CA10: variants seen among roughly 807,000 people sequenced by gnomAD.
The protein encoded by CA10 is carbonic anhydrase 10 (inactive), also known as carbonic anhydrase-related protein 10.
A neutral mutation model predicts 44.2 loss-of-function variants in CA10; 14 were observed. The observed-to-expected ratio is 0.32, with a 90% confidence interval of 0.21 to 0.50. The LOEUF (loss-of-function observed/expected upper bound fraction) is 0.50. CA10 is among the 20% of genes least tolerant of loss of function. CA10 has a pLI of 0.99. For missense variants in CA10, 350 were observed against 409.7 expected, an observed-to-expected ratio of 0.85 and a Z score of 1.26; for synonymous variants, 159 against 141.6, an observed-to-expected ratio of 1.12 and a Z score of -0.87.
At chr17:51,775,576 T>A (rs1215585645) in intron 3 of CA10, among the ~76,000 whole-genome samples, 1 of 152,178 alleles carries the variant, frequency 6.6e-6, no homozygotes, top group Non-Finnish European at 1.5e-5. Context: ...ATCTACTATG[T>A]GTCAGGGCCC....
chr17:52,006,102 G>A (rs1189180543), intron 2 of CA10, among the ~76,000 whole-genome samples: 2 of 151,698 alleles, frequency 1.3e-5, no homozygotes, highest in South Asian at 2.1e-4. Context: ...CTATAAAATC[G>A]CTGATGAACA....
intron 3 of CA10, among the ~76,000 whole-genome samples, chr17:51,852,940 A>G (rs1978859018): frequency 6.6e-6 from 1 of 152,178 alleles, no homozygotes; most frequent in African/African-American, 2.4e-5. Context: ...CTTAAGAGAA[A>G]AATGGCTTTA....
chr17:52,152,445 C>T (rs1989723010), intron 1 of CA10, among the ~76,000 whole-genome samples: 1 of 152,018 alleles, frequency 6.6e-6, no homozygotes, highest in Non-Finnish European at 1.5e-5. Context: ...GTTTCTATTC[C>T]TCCTTTTTGA....
chr17:51,817,203 G>C (rs1567849188), intron 3 of CA10, among the ~76,000 whole-genome samples: 1 of 152,168 alleles, frequency 6.6e-6, no homozygotes. Flanking sequence ...ATCAAGTGGG[G>C]CTGCTTTTTC....
At chr17:52,064,323 A>C (rs952597863) in intron 2 of CA10, among the ~76,000 whole-genome samples, 2 of 152,322 alleles carry the variant, frequency 1.3e-5, no homozygotes, top group South Asian at 2.1e-4. Flanking sequence ...TTCTGACCCA[A>C]GGAAACTGTG....
At chr17:51,978,566 C>T (rs1219534901) in intron 2 of CA10, among the ~76,000 whole-genome samples, 1 of 151,724 alleles carries the variant, frequency 6.6e-6, no homozygotes, top group Admixed American at 6.6e-5. Context: ...ACCAGGATAA[C>T]TAAAACTATA....
At chr17:52,098,143 T>G (rs1988451327) in intron 1 of CA10, among the ~76,000 whole-genome samples, 1 of 152,210 alleles carries the variant, frequency 6.6e-6, no homozygotes. Context: ...CTACTTTCAC[T>G]TGTGTCCTGG....
intron 5 of CA10, among the ~76,000 whole-genome samples, chr17:51,649,651 A>G (rs1489984849): frequency 3.9e-5 from 6 of 152,244 alleles, no homozygotes; most frequent in African/African-American, 1.4e-4. Flanking sequence ...AAATCTTTAC[A>G]TACACGGACA....
intron 4 of CA10, among the ~76,000 whole-genome samples, chr17:51,658,800 C>G (rs1913894762): frequency 6.6e-6 from 1 of 152,154 alleles, no homozygotes; most frequent in Non-Finnish European, 1.5e-5. Context: ...ACTGAGGAAG[C>G]CTTGCCTACC....
At chr17:51,729,434 G>A (rs1403459267) in intron 4 of CA10, among the ~76,000 whole-genome samples, 3 of 152,140 alleles carry the variant, frequency 2.0e-5, no homozygotes, top group South Asian at 2.1e-4. Context: ...GTATTGGCAC[G>A]TGGGTTAGAG....
At chr17:51,831,695 A>AGCGGCGGCGGCG (rs1567854577) in intron 3 of CA10, among the ~76,000 whole-genome samples, 2 of 80,806 alleles carry the variant, frequency 2.5e-5, no homozygotes, top group Admixed American at 1.2e-4. Context: ...CAGCAGCAGC[A>AGCGGCGGCGGCG]GCAGCAGCAG....
chr17:51,846,759 G>T (rs954036221), intron 3 of CA10, among the ~76,000 whole-genome samples: 1 of 152,164 alleles, frequency 6.6e-6, no homozygotes, highest in African/African-American at 2.4e-5. Flanking sequence ...TAATGCTGTC[G>T]CGCTTGCTCT....
At chr17:51,836,585 A>G (rs1908485447) in intron 3 of CA10, among the ~76,000 whole-genome samples, 2 of 152,158 alleles carry the variant, frequency 1.3e-5, no homozygotes, top group African/African-American at 2.4e-5. Context: ...ACCCTTCCCC[A>G]CCAGGTAGTA....
chr17:51,754,664 C>G (rs1244022512), intron 3 of CA10, among the ~76,000 whole-genome samples: 2 of 151,486 alleles, frequency 1.3e-5, no homozygotes, highest in Non-Finnish European at 2.9e-5. Context: ...GGGCAATCTG[C>G]TTTACTCAAA....
intron 1 of CA10, among the ~76,000 whole-genome samples, chr17:52,128,896 C>T (rs575870394): frequency 1.3e-5 from 2 of 152,270 alleles, no homozygotes; most frequent in South Asian, 4.1e-4. Flanking sequence ...AATCACCTTC[C>T]AATTCATGCT....
rs754344655 is a variant in CA10, at chr17:51,802,565, GAAAA to G, written c.280-54751_280-54748del. 2.1e-3 allele frequency among the ~76,000 whole-genome samples: 187 copies of G among 90,620 alleles called. 2 individuals are homozygous for G. Among genetic ancestry groups the G allele is most frequent in the African/African-American group, 4.0e-3 (91 of 22,780 alleles). 59.5% of individuals were successfully genotyped at this position (90,620 alleles called of 152,430 possible). A position where few individuals can be genotyped will look rare whatever the true frequency, so the allele number is the denominator to read the frequency against. On this transcript the variant is annotated intron_variant, in intron 3 of 8. Coordinates refer to ENST00000451037, the MANE Select transcript of CA10 (RefSeq NM_020178.5). The stretch of plus-strand genomic sequence containing the variant: ...CTTGGATCATTTGTGCCTGATGTCT[GAAAA>G]AAAAAAAAAAAAAAAAAAACAACCA...
intron 3 of CA10, among the ~76,000 whole-genome samples, chr17:51,907,890 C>T (rs1981626970): frequency 2.0e-5 from 3 of 152,132 alleles, no homozygotes; most frequent in Admixed American, 2.0e-4. Context: ...GAGGATGTTT[C>T]CTGGGGAACC....
intron 3 of CA10, among the ~76,000 whole-genome samples, chr17:51,863,941 C>T (rs1159497421): frequency 1.3e-5 from 2 of 152,222 alleles, no homozygotes; most frequent in Non-Finnish European, 2.9e-5. Flanking sequence ...CACTGATTGA[C>T]TGAATCATTG....
intron 1 of CA10, among the ~76,000 whole-genome samples, chr17:52,091,716 T>G (rs548410173): frequency 6.6e-6 from 1 of 152,244 alleles, no homozygotes; most frequent in East Asian, 1.9e-4. Flanking sequence ...TACAAGACAA[T>G]GAACATTGCT....
Sources: allele counts gnomAD v4.1 joint callset (sites outside exome capture counted in the v4.1 genomes callset), GRCh38; gene constraint gnomAD v4.1.1; transcripts MANE v1.5; gene names NCBI Gene and HGNC (gene_info 2026-07-23, HGNC 2026-07-21).